Variants in TSPAN7 observed in about 807,000 individuals in gnomAD.
TSPAN7 encodes the protein tetraspanin 7, also known as tetraspanin-7.
A neutral mutation model predicts 17.6 loss-of-function variants in TSPAN7; 1 was observed. The observed-to-expected ratio is 0.06, with a 90% CI of 0.02 to 0.27. TSPAN7 has a LOEUF of 0.27. Among genes scored for constraint, TSPAN7 ranks in the 10% least tolerant of loss-of-function variants. The pLI is 1.00. For synonymous variants in TSPAN7, 78 were observed against 79.0 expected (o/e 0.99, Z 0.07); for missense variants, 112 against 201.7 (o/e 0.56, Z 2.69).
At chrX:38,645,433 T>C (rs1345994294) in intron 1 of TSPAN7, among the ~76,000 whole-genome samples, 1 of 112,016 alleles carries the variant, frequency 8.9e-6, no homozygotes, top group Non-Finnish European at 1.9e-5. Context: ...TGTGCACCTG[T>C]AGTCCCAGCT....
At chrX:38,624,530 C>T (rs1409990354) in intron 1 of TSPAN7, among the ~76,000 whole-genome samples, 1 of 112,312 alleles carries the variant, frequency 8.9e-6, no homozygotes, top group African/African-American at 3.2e-5. Context: ...GCTCAGTAAC[C>T]TTACAGGTCA....
At chrX:38,638,132 T>C (rs1177580921) in intron 1 of TSPAN7, among the ~76,000 whole-genome samples, 1 of 112,118 alleles carries the variant, frequency 8.9e-6, no homozygotes, top group Non-Finnish European at 1.9e-5. Context: ...AGCACCTTCC[T>C]ACAACTGCAC....
chrX:38,565,593 G>C (rs2069138500), intron 1 of TSPAN7, among the ~76,000 whole-genome samples: 2 of 112,219 alleles, frequency 1.8e-5, no homozygotes, highest in Admixed American at 1.9e-4. Context: ...CTTTGTGTTC[G>C]TGAGTTGTTT....
At chrX:38,609,458 T>C (rs73482035) in intron 1 of TSPAN7, among the ~76,000 whole-genome samples, 54 of 111,248 alleles carry the variant, frequency 4.9e-4, no homozygotes, top group African/African-American at 1.7e-3. Context: ...TATATTTATC[T>C]GTGTAGTTGA....
chrX:38,561,713 C>A, intron 1 of TSPAN7, 86 bp downstream of exon 1: 1 of 874,870 alleles, frequency 1.1e-6, no homozygotes. Flanking sequence ...GGGAGGAAAA[C>A]CCAAACCAAA....
intron 1 of TSPAN7, among the ~76,000 whole-genome samples, chrX:38,649,636 T>C (rs1200863830): frequency 9.0e-6 from 1 of 111,271 alleles, no homozygotes; most frequent in Non-Finnish European, 1.9e-5. Context: ...GCTACCCGAG[T>C]TGGGTTTCCC....
intron 1 of TSPAN7, among the ~76,000 whole-genome samples, chrX:38,564,535 C>T (rs189082734): frequency 3.2e-3 from 359 of 111,974 alleles, no homozygotes; most frequent in African/African-American, 0.011. Flanking sequence ...CATGGTAATT[C>T]TAAGTTTAAT....
intron 2 of TSPAN7, 90 bp from the exon 3 acceptor site, chrX:38,671,286 A>G: frequency 1.1e-6 from 1 of 899,943 alleles, no homozygotes; most frequent in Non-Finnish European, 1.6e-6. Flanking sequence ...GACTTGTCTA[A>G]TTCCCGCTGA....
chrX:38,647,478 A>C (rs1347382058), intron 1 of TSPAN7, among the ~76,000 whole-genome samples: 1 of 112,152 alleles, frequency 8.9e-6, no homozygotes, highest in Non-Finnish European at 1.9e-5. Flanking sequence ...ACTTTCTAGA[A>C]GGTACCAAAC....
At chrX:38,612,883 C>G (rs1166850833) in intron 1 of TSPAN7, among the ~76,000 whole-genome samples, 1 of 111,462 alleles carries the variant, frequency 9.0e-6, no homozygotes, top group Non-Finnish European at 1.9e-5. Context: ...TTTATAAAGT[C>G]TTTTTGTCCC....
intron 1 of TSPAN7, among the ~76,000 whole-genome samples, chrX:38,598,625 A>G (rs2069330735): frequency 9.0e-6 from 1 of 111,063 alleles, no homozygotes; most frequent in South Asian, 3.8e-4. Context: ...TATCTTTTAT[A>G]GGAGTTTCTG....
At position 38,588,354 on chromosome X, in the gene TSPAN7, A is replaced by C. The variant is rs761668473; in HGVS notation, c.81+26727A>C. On this transcript the variant is annotated intron_variant, in intron 1 of 7. Transcript: ENST00000378482. ...GAAACATTTAGAGGTATTTAACTAC[A>C]TCTTAATACTATAGGCTATGGCTCA... 1.2e-3 allele frequency among the ~76,000 whole-genome samples: 135 copies of C among 111,634 alleles called. 1 individual carries two copies. Among genetic ancestry groups the C allele is most frequent in the Non-Finnish European group, 1.9e-3 (101 of 53,117 alleles).
chrX:38,605,180 T>C lies in TSPAN7; in HGVS notation c.81+43553T>C, dbSNP rs1260908320. On this transcript the variant is annotated intron_variant, in intron 1 of 7. Coordinates refer to ENST00000378482, the MANE Select transcript of TSPAN7 (RefSeq NM_004615.4). ...AAAACCCCATTGTCTCAGCCCAAAATCTCCTTAAGCTGATAAGCAACTTCA... is the reference window on the plus strand; with the variant it reads ...AAAACCCCATTGTCTCAGCCCAAAACCTCCTTAAGCTGATAAGCAACTTCA... 3.6e-5 allele frequency among the ~76,000 whole-genome samples: 4 copies of C among 109,797 alleles called. No individual in the cohort carries two copies. The East Asian group carries it at 1.2e-3, about 32-fold the overall frequency.
chrX:38,597,918 G>A (rs1288142006), intron 1 of TSPAN7, among the ~76,000 whole-genome samples: 1 of 111,454 alleles, frequency 9.0e-6, no homozygotes, highest in African/African-American at 3.3e-5. Context: ...TATTTGGAAG[G>A]TTTCTTGGGA....
At chrX:38,666,626 T>C (rs1397570685) in intron 2 of TSPAN7, among the ~76,000 whole-genome samples, 4 of 105,126 alleles carry the variant, frequency 3.8e-5, no homozygotes, top group Non-Finnish European at 7.8e-5. Flanking sequence ...TGAGATGGAG[T>C]CTCGCTCTGT....
At chrX:38,605,933 C>T (rs1450240902) in intron 1 of TSPAN7, among the ~76,000 whole-genome samples, 3 of 101,186 alleles carry the variant, frequency 3.0e-5, no homozygotes, top group South Asian at 4.7e-4. Flanking sequence ...AAGACTTAAA[C>T]GTTAGACCTA....
At chrX:38,596,500 C>A (rs1311274122) in intron 1 of TSPAN7, among the ~76,000 whole-genome samples, 2 of 111,510 alleles carry the variant, frequency 1.8e-5, no homozygotes. Flanking sequence ...TAACCTTAAA[C>A]TGAAGTGCTT....
intron 1 of TSPAN7, among the ~76,000 whole-genome samples, chrX:38,602,402 A>C (rs1381192331): frequency 8.9e-6 from 1 of 112,010 alleles, no homozygotes; most frequent in East Asian, 2.8e-4. Context: ...AACAGCATGA[A>C]TAAACAAGGA....
intron 1 of TSPAN7, among the ~76,000 whole-genome samples, chrX:38,641,091 C>T (rs1013613693): frequency 2.7e-5 from 3 of 112,187 alleles, no homozygotes; most frequent in African/African-American, 9.7e-5. Flanking sequence ...CTCAGTCTTT[C>T]TGCTAGAGGA....
Sources: gnomAD v4.1 joint callset for allele counts (sites outside exome capture counted in the v4.1 genomes callset) on GRCh38, gnomAD v4.1.1 for gene constraint, MANE v1.5 for transcripts, NCBI Gene and HGNC (gene_info 2026-07-23, HGNC 2026-07-21) for gene names.